The following DYNC2LI1 variants were observed in gnomAD, a reference collection of about 807,000 sequenced individuals.
DYNC2LI1 encodes dynein cytoplasmic 2 light intermediate chain 1.
DYNC2LI1 carries 45 observed loss-of-function variants against 51.9 expected under a neutral mutation model. The observed-to-expected ratio is 0.87, with a 90% CI of 0.68 to 1.11. The LOEUF (loss-of-function observed/expected upper bound fraction) is 1.11. DYNC2LI1 is among the 50% of genes most tolerant of loss of function. The pLI is 0.00. For missense variants in DYNC2LI1, 490 were observed against 417.4 expected (o/e 1.17, Z -1.51); for synonymous variants, 130 against 137.8 (o/e 0.94, Z 0.40).
chr2:43,798,731 A>G (rs534926717), intron 8 of DYNC2LI1, among the ~76,000 whole-genome samples: 14 of 152,330 alleles, frequency 9.2e-5, no homozygotes, highest in Non-Finnish European at 1.5e-4. Context: ...TAATAAGCCT[A>G]AAGGAACAGG....
chr2:43,822,515 G>A, the DYNC2LI1 span: 8 of 977,338 alleles, frequency 8.2e-6, no homozygotes, highest in Non-Finnish European at 8.5e-6. Flanking sequence ...CTACTTCAGA[G>A]TCCTCTCTTC....
chr2:43,774,096 CTA>C lies in DYNC2LI1; in HGVS notation c.-42_-41del. ...TCGCCGCCTGATTCTAGGCTGGTCA[CTA>C]CTCCGAGCCTGTGACGTTTGCGGCA... is the stretch of plus-strand genomic sequence containing the variant. On this transcript the variant is annotated 5_prime_UTR_variant, in exon 1 of 13. Transcript: ENST00000260605. 1 of 1,612,986 alleles carries C rather than the reference CTA, an allele frequency of 6.2e-7. No individual in the cohort carries two copies.
At chr2:43,774,833 C>G (rs1306801703) in intron 1 of DYNC2LI1, among the ~76,000 whole-genome samples, 1 of 152,114 alleles carries the variant, frequency 6.6e-6, no homozygotes, top group Non-Finnish European at 1.5e-5. Flanking sequence ...CCGCAGGTGT[C>G]GTGGCTGACT....
At chr2:43,776,238 TC>T (rs942976399) in intron 1 of DYNC2LI1, among the ~76,000 whole-genome samples, 5 of 151,864 alleles carry the variant, frequency 3.3e-5, no homozygotes, top group African/African-American at 1.2e-4. Flanking sequence ...GATGGGATCT[TC>T]CTGTATTGCC....
chr2:43,775,773 C>T (rs1439795537), intron 1 of DYNC2LI1: 4 of 370,454 alleles, frequency 1.1e-5, no homozygotes, highest in East Asian at 2.4e-4. Flanking sequence ...ATACAACATC[C>T]ACCTCCTGAG....
At chr2:43,791,401 G>A (rs976287308) in intron 5 of DYNC2LI1, among the ~76,000 whole-genome samples, 1 of 152,104 alleles carries the variant, frequency 6.6e-6, no homozygotes, top group African/African-American at 2.4e-5. Flanking sequence ...GGCCTGCTGG[G>A]GTTGTGGAAA....
downstream of DYNC2LI1, chr2:43,810,037 C>A: frequency 1.2e-6 from 1 of 859,600 alleles, no homozygotes; most frequent in Non-Finnish European, 1.5e-6. Flanking sequence ...ATACTCAATT[C>A]AGCATGTATA....
intron 8 of DYNC2LI1, among the ~76,000 whole-genome samples, chr2:43,798,987 A>G (rs1300759171): frequency 6.6e-6 from 1 of 152,160 alleles, no homozygotes; most frequent in African/African-American, 2.4e-5. Context: ...AATATTATGA[A>G]CAATCTAATT....
downstream of DYNC2LI1, chr2:43,813,174 G>A: frequency 1.3e-6 from 2 of 1,514,682 alleles, no homozygotes; most frequent in East Asian, 2.3e-5. Context: ...GATGACAAGA[G>A]CTGGAATAAA....
In DYNC2LI1 at chr2:43,775,220, C is replaced by T. The variant is rs186265141; in HGVS notation, c.8+1074C>T. Among the ~76,000 whole-genome samples the T allele has an allele frequency of 2.1e-3, 317 of 152,128 alleles. 1 individual carries two copies. Among genetic ancestry groups the T allele is most frequent in the African/African-American group, 7.3e-3 (301 of 41,500 alleles). The stretch of plus-strand genomic sequence containing the variant: ...CAGAGGATTGCATATATTAGGTGCT[C>T]AATAAATATTTGTTTAATTAATAAA... On this transcript the variant is annotated intron_variant, in intron 1 of 12. Transcript: ENST00000260605.
At chr2:43,777,960 A>T (rs1258201218) in intron 2 of DYNC2LI1, among the ~76,000 whole-genome samples, 2 of 152,260 alleles carry the variant, frequency 1.3e-5, no homozygotes, top group South Asian at 2.1e-4. Context: ...GTAAATAAAA[A>T]ATTCTGATAA....
At chr2:43,804,817 T>C in intron 11 of DYNC2LI1, 78 bp downstream of exon 11, 1 of 832,620 alleles carries the variant, frequency 1.2e-6, no homozygotes. Context: ...AAAGGGCTTA[T>C]TATGATAACT....
At chr2:43,783,629 A>C in intron 3 of DYNC2LI1, 75 bp downstream of exon 3, 2 of 957,052 alleles carry the variant, frequency 2.1e-6, no homozygotes, top group Non-Finnish European at 3.0e-6. Context: ...TCTAAAAGAC[A>C]TAAGGAAGGG....
intron 8 of DYNC2LI1, among the ~76,000 whole-genome samples, chr2:43,798,445 G>A (rs989011044): frequency 4.1e-5 from 6 of 144,626 alleles, no homozygotes; most frequent in East Asian, 4.0e-4. Flanking sequence ...ATGGCTCATC[G>A]AGGGTACAGA....
the DYNC2LI1 span, chr2:43,828,110 C>T: frequency 1.2e-6 from 2 of 1,614,026 alleles, no homozygotes; most frequent in Non-Finnish European, 1.7e-6. Flanking sequence ...CCATGACGGC[C>T]TCCACCTGCA....
chr2:43,790,596 A>C (rs1379016402), intron 5 of DYNC2LI1, among the ~76,000 whole-genome samples: 2 of 152,004 alleles, frequency 1.3e-5, no homozygotes, highest in African/African-American at 4.8e-5. Context: ...ACTTATTAGA[A>C]AAGTAATATA....
intron 10 of DYNC2LI1, 123 bp downstream of exon 10, chr2:43,801,832 C>T: frequency 1.5e-6 from 1 of 673,372 alleles, no homozygotes; most frequent in Non-Finnish European, 2.5e-6. Context: ...GCTGTTATTT[C>T]CTGTGTGTTT....
intron 5 of DYNC2LI1, chr2:43,792,655 T>C: frequency 1.3e-6 from 2 of 1,535,116 alleles, no homozygotes; most frequent in Non-Finnish European, 1.8e-6. Context: ...AAACAATAAC[T>C]CCTTGTTTTT....
At chr2:43,815,373 C>A in the DYNC2LI1 span, among the ~76,000 whole-genome samples, 19 of 152,228 alleles carry the variant, frequency 1.2e-4, 1 homozygote, top group African/African-American at 4.6e-4. Context: ...CTAAAGAACT[C>A]ATAATGTAGT....
Sources: gnomAD v4.1 joint callset for allele counts (sites outside exome capture counted in the v4.1 genomes callset) on GRCh38, gnomAD v4.1.1 for gene constraint, MANE v1.5 for transcripts, NCBI Gene and HGNC (gene_info 2026-07-23, HGNC 2026-07-21) for gene names.